Variants in WDPCP observed in about 807,000 individuals in gnomAD.
WDPCP encodes the protein WD repeat-containing and planar cell polarity effector protein fritz homolog.
A neutral mutation model predicts 93.1 loss-of-function variants in WDPCP; 71 were observed. That is an observed-to-expected ratio of 0.76 (90% CI 0.63 to 0.93). WDPCP has a LOEUF of 0.93. Ranked by LOEUF, WDPCP falls within the 40% of genes least tolerant of loss-of-function variation. The probability of loss-of-function intolerance (pLI) is 0.00; values close to 1 mark genes in which losing one functional copy is unlikely to be tolerated. For synonymous variants in WDPCP, 315 were observed against 315.0 expected (o/e 1.00, Z 0.00); for missense variants, 844 against 887.4 (o/e 0.95, Z 0.62).
chr2:63,815,530 G>C (rs1209215321), intron 1 of WDPCP, among the ~76,000 whole-genome samples: 1 of 152,186 alleles, frequency 6.6e-6, no homozygotes, highest in Non-Finnish European at 1.5e-5. Flanking sequence ...AGAGTTGTGA[G>C]ATACATAGAC....
intron 2 of WDPCP, among the ~76,000 whole-genome samples, chr2:63,744,688 G>A (rs1207524521): frequency 6.6e-6 from 1 of 152,074 alleles, no homozygotes; most frequent in Non-Finnish European, 1.5e-5. Context: ...AGTCCTTTCA[G>A]TTCTTTTTTC....
At chr2:63,293,092 C>A (rs114455153) in intron 13 of WDPCP, among the ~76,000 whole-genome samples, 2,536 of 152,204 alleles carry the variant, frequency 0.017, 79 homozygotes, top group African/African-American at 0.058. Flanking sequence ...TTGCACCTCA[C>A]CCCTCATTAT....
chr2:63,345,492 G>T (rs1030178971), intron 12 of WDPCP, among the ~76,000 whole-genome samples: 3 of 152,168 alleles, frequency 2.0e-5, no homozygotes, highest in Non-Finnish European at 2.9e-5. Context: ...CTTTCAGGAA[G>T]GCTAGTGAAA....
chr2:63,752,010 A>G (rs528862864), intron 2 of WDPCP: 5 of 627,466 alleles, frequency 8.0e-6, no homozygotes, highest in Admixed American at 5.6e-5. Context: ...CACTGAAACA[A>G]CCTCCACAAC....
At chr2:63,317,806 A>G (rs1470056878) in intron 12 of WDPCP, among the ~76,000 whole-genome samples, 1 of 152,172 alleles carries the variant, frequency 6.6e-6, no homozygotes, top group East Asian at 1.9e-4. Flanking sequence ...CAAAACTATA[A>G]AAACCTTAGA....
At chr2:63,609,730 G>T (rs1321721013) in intron 3 of WDPCP, among the ~76,000 whole-genome samples, 1 of 152,138 alleles carries the variant, frequency 6.6e-6, no homozygotes, top group East Asian at 1.9e-4. Flanking sequence ...AAATTAGCCA[G>T]GCATGGTGGT....
At chr2:63,553,659 T>A (rs113386316) in intron 1 of WDPCP, among the ~76,000 whole-genome samples, 8 of 152,294 alleles carry the variant, frequency 5.3e-5, no homozygotes, top group African/African-American at 1.9e-4. Context: ...TTTTTCTTGG[T>A]AAGTAGAGCA....
At chr2:63,438,654 A>G (rs987366631) in intron 7 of WDPCP, among the ~76,000 whole-genome samples, 1 of 152,030 alleles carries the variant, frequency 6.6e-6, no homozygotes, top group African/African-American at 2.4e-5. Context: ...CATGCTTACA[A>G]TCCTACCCCC....
chr2:63,646,325 CT>C (rs1308066252), intron 3 of WDPCP, among the ~76,000 whole-genome samples: 2 of 152,054 alleles, frequency 1.3e-5, no homozygotes, highest in African/African-American at 2.4e-5. Context: ...TGCTTTTCAA[CT>C]TTTTGTTGTT....
At chr2:63,660,841 C>T (rs1262747605) in intron 2 of WDPCP, among the ~76,000 whole-genome samples, 1 of 152,096 alleles carries the variant, frequency 6.6e-6, no homozygotes, top group African/African-American at 2.4e-5. Flanking sequence ...AGTGAGAACT[C>T]TTCATATAAG....
At chr2:63,659,353 T>G (rs1710202065) in intron 2 of WDPCP, among the ~76,000 whole-genome samples, 1 of 152,214 alleles carries the variant, frequency 6.6e-6, no homozygotes, top group Non-Finnish European at 1.5e-5. Flanking sequence ...GATGTTACCT[T>G]ATTCGGAAAA....
intron 3 of WDPCP, chr2:63,643,519 G>T: frequency 2.4e-6 from 1 of 411,592 alleles, no homozygotes. Flanking sequence ...GGTTACCAAT[G>T]TTGAACTTGA....
At chr2:63,529,455 T>C (rs1249777173) in intron 1 of WDPCP, among the ~76,000 whole-genome samples, 1 of 152,238 alleles carries the variant, frequency 6.6e-6, no homozygotes, top group African/African-American at 2.4e-5. Context: ...AGGCCTTTTC[T>C]GCATCTATTG....
At chr2:63,544,629 T>A (rs1430444698) in intron 1 of WDPCP, among the ~76,000 whole-genome samples, 1 of 152,116 alleles carries the variant, frequency 6.6e-6, no homozygotes, top group Non-Finnish European at 1.5e-5. Flanking sequence ...TCTCCTCTTC[T>A]CTCTACTCCT....
chr2:63,547,410 GT>G (rs1415201046), intron 1 of WDPCP, among the ~76,000 whole-genome samples: 3 of 152,040 alleles, frequency 2.0e-5, no homozygotes, highest in Non-Finnish European at 4.4e-5. Flanking sequence ...CCACTACTGC[GT>G]AAATATCCAA....
intron 1 of WDPCP, among the ~76,000 whole-genome samples, chr2:63,507,415 T>A (rs535972197): frequency 3.0e-4 from 46 of 151,988 alleles, no homozygotes; most frequent in Middle Eastern, 3.4e-3. Context: ...GTCACTTGAG[T>A]GTGAGGTTAG....
chr2:63,696,292 C>T (rs975121884), intron 2 of WDPCP, among the ~76,000 whole-genome samples: 13 of 106,560 alleles, frequency 1.2e-4, no homozygotes, highest in African/African-American at 4.6e-4. Flanking sequence ...TGATCCGATC[C>T]GTTGCTAATA....
intron 10 of WDPCP, among the ~76,000 whole-genome samples, chr2:63,383,439 G>C (rs1288482273): frequency 1.3e-5 from 2 of 152,102 alleles, no homozygotes; most frequent in African/African-American, 4.8e-5. Flanking sequence ...TGGTGCCCAG[G>C]GGCAGTGGTT....
At chr2:63,644,327 C>T (rs1710022432) in intron 3 of WDPCP, among the ~76,000 whole-genome samples, 1 of 150,670 alleles carries the variant, frequency 6.6e-6, no homozygotes. Context: ...TCATTGCAAC[C>T]TCCGCCTCCT....
Sources: allele counts gnomAD v4.1 joint callset (sites outside exome capture counted in the v4.1 genomes callset), GRCh38; gene constraint gnomAD v4.1.1; transcripts MANE v1.5; gene names NCBI Gene and HGNC (gene_info 2026-07-23, HGNC 2026-07-21).